ALKBH1: variants seen among roughly 807,000 people sequenced by gnomAD.
The protein encoded by ALKBH1 is alkB homolog 1, histone H2A dioxygenase.
A neutral mutation model predicts 36.6 loss-of-function variants in ALKBH1; 31 were observed. The observed-to-expected ratio is 0.85, with a 90% CI of 0.64 to 1.14. The LOEUF is 1.14. Among genes scored for constraint, ALKBH1 ranks in the 50% most tolerant of loss-of-function variants. The probability of loss-of-function intolerance (pLI) is 0.00; values close to 1 mark genes in which losing one functional copy is unlikely to be tolerated. For synonymous variants in ALKBH1, 183 were observed against 186.6 expected, an observed-to-expected ratio of 0.98 and a Z score of 0.16; for missense variants, 490 against 497.3, an observed-to-expected ratio of 0.99 and a Z score of 0.14.
intron 3 of ALKBH1, among the ~76,000 whole-genome samples, chr14:77,680,677 C>CTCTTTATT (rs774703181): frequency 8.0e-6 from 1 of 124,348 alleles, no homozygotes; most frequent in Non-Finnish European, 1.7e-5. Flanking sequence ...ATTAACTACT[C>CTCTTTATT]TTTTTTTTTT....
At chr14:77,692,502 C>T (rs2080302763) in intron 3 of ALKBH1, among the ~76,000 whole-genome samples, 1 of 152,196 alleles carries the variant, frequency 6.6e-6, no homozygotes, top group Non-Finnish European at 1.5e-5. Context: ...CAGTTCACAA[C>T]AGGGTTCGCG....
At chr14:77,705,504 A>G (rs1004925811) in intron 1 of ALKBH1, among the ~76,000 whole-genome samples, 1 of 152,104 alleles carries the variant, frequency 6.6e-6, no homozygotes, top group African/African-American at 2.4e-5. Flanking sequence ...CCTGTCTGCT[A>G]AAAGTAAAAG....
intron 2 of ALKBH1, among the ~76,000 whole-genome samples, chr14:77,700,113 C>T (rs17752496): frequency 0.065 from 9,826 of 151,978 alleles, 381 homozygotes; most frequent in African/African-American, 0.095. Flanking sequence ...CCAAACAAAT[C>T]TCTGAACAAT....
rs1160232856 is a variant in ALKBH1 at position 77,673,297 on chromosome 14, G to C, written c.*515C>G. The C allele has an allele frequency of 1.3e-5, 2 of 154,878 alleles. No individual in the cohort carries two copies. Among genetic ancestry groups the C allele is most frequent in the East Asian group, 3.8e-4 (2 of 5,234 alleles). 9.6% of individuals were successfully genotyped at this position (154,878 alleles called of 1,614,324 possible). ...CAGTTCCATTGTTTTCATGTGTAAA[G>C]GATTCTTCCATGAGAGCCAGAGAGG... On this transcript the variant is annotated 3_prime_UTR_variant, in exon 6 of 6. Transcript: ENST00000216489.
chr14:77,694,824 G>A lies in ALKBH1; in HGVS notation c.369C>T (p.Ser123=). Residue 123 remains serine, a synonymous_variant, in exon 3 of 6, where the codon TCC becomes TCT. Transcript: ENST00000216489. The part of the protein sequence containing the change: ...HWVKQCLKLY[S]QKPNVCNLDK... ...CCAGGTTACATACATTAGGTTTCTG[G>A]GAATATAACTTAAGGCACTGTTTCA... 6.2e-7 allele frequency: 1 copy of A among 1,606,624 alleles called. No homozygotes were observed.
intron 2 of ALKBH1, among the ~76,000 whole-genome samples, chr14:77,703,291 G>A (rs2080369661): frequency 6.6e-6 from 1 of 150,542 alleles, no homozygotes; most frequent in African/African-American, 2.4e-5. Context: ...TCCCTATTAG[G>A]ACTTTCTTTT....
At chr14:77,675,972 G>T in intron 4 of ALKBH1, 123 bp from the exon 5 acceptor site, 6 of 758,984 alleles carry the variant, frequency 7.9e-6, no homozygotes, top group Non-Finnish European at 8.3e-6. Flanking sequence ...TATTAACACA[G>T]CATTATCTAT....
chr14:77,679,854 CA>C lies in ALKBH1; in HGVS notation c.546+25del, dbSNP rs1301303766. On this transcript the variant is annotated intron_variant, in intron 4 of 5. Coordinates refer to ENST00000216489, the MANE Select transcript of ALKBH1 (RefSeq NM_006020.3). ...GCTAAAGAAGCCTATAAACAGAAAA[CA>C]AAAGAATTAAGAAAACCTGAATACC... is the stretch of plus-strand genomic sequence containing the variant. 7.0e-6 allele frequency: 11 copies of C among 1,580,720 alleles called. No individual in the cohort carries two copies. The African/African-American group carries it at 1.3e-4, about 19-fold the overall frequency.
chr14:77,703,078 G>A (rs918640307), intron 2 of ALKBH1, among the ~76,000 whole-genome samples: 5 of 151,954 alleles, frequency 3.3e-5, no homozygotes, highest in Non-Finnish European at 7.4e-5. Flanking sequence ...CCTGGCAGGC[G>A]GAGGTTGCAG....
intron 3 of ALKBH1, among the ~76,000 whole-genome samples, chr14:77,686,788 TA>T (rs1333072821): frequency 5.9e-5 from 9 of 152,158 alleles, no homozygotes; most frequent in African/African-American, 2.2e-4. Context: ...CATGCCCAGT[TA>T]ATTTTTGTAT....
intron 3 of ALKBH1, among the ~76,000 whole-genome samples, chr14:77,687,683 G>C (rs1258634350): frequency 6.7e-6 from 1 of 150,158 alleles, no homozygotes; most frequent in East Asian, 2.0e-4. Flanking sequence ...TTCTCTTCTT[G>C]AAACATTTTC....
intron 2 of ALKBH1, among the ~76,000 whole-genome samples, chr14:77,699,780 G>A (rs1008864699): frequency 3.3e-5 from 5 of 152,190 alleles, no homozygotes; most frequent in Admixed American, 1.3e-4. Context: ...TTCTGGCTGG[G>A]CGCGGTGGCT....
intron 4 of ALKBH1, among the ~76,000 whole-genome samples, chr14:77,676,607 G>C (rs80005384): frequency 2.6e-4 from 40 of 152,164 alleles, no homozygotes; most frequent in African/African-American, 9.2e-4. Flanking sequence ...AAATCTAAAT[G>C]AAGTACAAAT....
chr14:77,695,652 T>C (rs2080322781), intron 2 of ALKBH1, among the ~76,000 whole-genome samples: 1 of 152,192 alleles, frequency 6.6e-6, no homozygotes, highest in African/African-American at 2.4e-5. Flanking sequence ...AGTTGCTTCC[T>C]GCAGTTACTG....
intron 2 of ALKBH1, among the ~76,000 whole-genome samples, chr14:77,695,180 T>C (rs2080320465): frequency 6.6e-6 from 1 of 152,230 alleles, no homozygotes; most frequent in African/African-American, 2.4e-5. Context: ...AGTACACCTC[T>C]AATTTTTATC....
At chr14:77,675,571 T>C in intron 5 of ALKBH1, 85 bp downstream of exon 5, 2 of 1,246,140 alleles carry the variant, frequency 1.6e-6, no homozygotes, top group South Asian at 1.6e-5. Flanking sequence ...TAAAGTTAAA[T>C]ACCTGTATTT....
At chr14:77,707,769 C>G in intron 1 of ALKBH1, 53 bp downstream of exon 1, 2 of 1,539,186 alleles carry the variant, frequency 1.3e-6, no homozygotes, top group Non-Finnish European at 1.8e-6. Context: ...GTAAGTCCCT[C>G]CAAGACGCGG....
intron 4 of ALKBH1, among the ~76,000 whole-genome samples, chr14:77,679,469 C>T (rs1372918037): frequency 6.6e-6 from 1 of 151,530 alleles, no homozygotes. Flanking sequence ...CTTGCTCTGT[C>T]ACCCAGGCTG....
chr14:77,684,345 T>C (rs1476466180), intron 3 of ALKBH1, among the ~76,000 whole-genome samples: 1 of 151,480 alleles, frequency 6.6e-6, no homozygotes, highest in African/African-American at 2.4e-5. Context: ...TCTAGCTCAA[T>C]AACAGATTGC....
Sources: allele counts gnomAD v4.1 joint callset (sites outside exome capture counted in the v4.1 genomes callset), GRCh38; gene constraint gnomAD v4.1.1; transcripts MANE v1.5; gene names NCBI Gene and HGNC (gene_info 2026-07-23, HGNC 2026-07-21).